The following MCC variants were observed in gnomAD, a reference collection of about 807,000 sequenced individuals.
MCC encodes colorectal mutant cancer protein.
In MCC, 90 loss-of-function variants were observed where a neutral mutation model predicts 116.2. The ratio of observed to expected loss-of-function variants is 0.77; its 90% CI spans 0.65 to 0.92. The LOEUF is 0.92. MCC is among the 40% of genes least tolerant of loss of function. MCC has a pLI of 0.00. For synonymous variants in MCC, 578 were observed against 510.5 expected (o/e 1.13, Z -1.78); for missense variants, 1,516 against 1,312.2 (o/e 1.16, Z -2.40).
intron 11 of MCC, among the ~76,000 whole-genome samples, chr5:113,073,005 T>C (rs908170024): frequency 2.0e-5 from 3 of 152,178 alleles, no homozygotes; most frequent in Non-Finnish European, 2.9e-5. Flanking sequence ...TAGACCAAGC[T>C]TGTCCAACCT....
chr5:113,081,770 C>G (rs1210356099), intron 11 of MCC, among the ~76,000 whole-genome samples: 2 of 21,642 alleles, frequency 9.2e-5, no homozygotes, highest in Non-Finnish European at 2.8e-4. Context: ...TTTAAAATGA[C>G]CTAGATTGCC....
chr5:113,198,058 A>C (rs2150317135), intron 3 of MCC, among the ~76,000 whole-genome samples: 1 of 152,396 alleles, frequency 6.6e-6, no homozygotes, highest in Non-Finnish European at 1.5e-5. Flanking sequence ...TATATAATTC[A>C]GTTAACAGGA....
chr5:113,397,915 G>A (rs1469517556), intron 1 of MCC, among the ~76,000 whole-genome samples: 1 of 152,120 alleles, frequency 6.6e-6, no homozygotes, highest in Non-Finnish European at 1.5e-5. Flanking sequence ...CTACAGAATG[G>A]GAGAAAATAT....
At chr5:113,235,162 T>C (rs1385827477) in intron 3 of MCC, among the ~76,000 whole-genome samples, 1 of 152,194 alleles carries the variant, frequency 6.6e-6, no homozygotes, top group Non-Finnish European at 1.5e-5. Flanking sequence ...TGCTCCACAA[T>C]AAAAATGGGC....
At chr5:113,324,776 C>T (rs887721518) in intron 3 of MCC, among the ~76,000 whole-genome samples, 6 of 152,034 alleles carry the variant, frequency 3.9e-5, no homozygotes, top group Non-Finnish European at 4.4e-5. Context: ...TACCTTTTTA[C>T]CTCATTAGAA....
At chr5:113,425,380 A>T (rs1770453811) in intron 1 of MCC, among the ~76,000 whole-genome samples, 1 of 151,596 alleles carries the variant, frequency 6.6e-6, no homozygotes, top group Non-Finnish European at 1.5e-5. Flanking sequence ...AGCTACTGGG[A>T]GAGGGACACC....
chr5:113,164,246 A>C (rs1455235256), intron 3 of MCC, among the ~76,000 whole-genome samples: 2 of 152,110 alleles, frequency 1.3e-5, no homozygotes, highest in Admixed American at 1.3e-4. Flanking sequence ...AAGCTCGGCA[A>C]CTCCTCAGAC....
chr5:113,161,984 C>A (rs1014013662), intron 3 of MCC, among the ~76,000 whole-genome samples: 2 of 152,170 alleles, frequency 1.3e-5, no homozygotes, highest in Non-Finnish European at 2.9e-5. Flanking sequence ...ACGGATGGGC[C>A]ATTTACCGTT....
At chr5:113,058,685 C>T (rs1580950132) in intron 14 of MCC, among the ~76,000 whole-genome samples, 1 of 152,216 alleles carries the variant, frequency 6.6e-6, no homozygotes, top group African/African-American at 2.4e-5. Context: ...TCTGCCACTT[C>T]CTTGCTTTAT....
intron 2 of MCC, among the ~76,000 whole-genome samples, chr5:113,354,266 T>C (rs1254250098): frequency 9.2e-5 from 14 of 152,132 alleles, no homozygotes; most frequent in Admixed American, 8.5e-4. Flanking sequence ...TGGCCAGATA[T>C]AGTCATATAG....
rs1262878492 is a variant in MCC at position 113,469,148 on chromosome 5, A to G, written c.170+19097T>C. On this transcript the variant is annotated intron_variant, in intron 1 of 18. Coordinates refer to ENST00000408903, the MANE Select transcript of MCC (RefSeq NM_001085377.2). The stretch of plus-strand genomic sequence containing the variant: ...CAAAAAACCAGCTCCTGGATTCATT[A>G]ATTTTTTGAAGGGTTTTTTGTGTCT... Among the ~76,000 whole-genome samples, 6 of 152,042 alleles carry G rather than the reference A, an allele frequency of 3.9e-5. No homozygotes were observed. The South Asian group carries it at 1.2e-3, about 32-fold the overall frequency.
chr5:113,105,898 T>A (rs983038352), intron 6 of MCC, among the ~76,000 whole-genome samples: 20 of 152,184 alleles, frequency 1.3e-4, no homozygotes, highest in Non-Finnish European at 8.8e-5. Context: ...CTCTGCATGA[T>A]CAAGACTGAT....
At position 113,385,081 on chromosome 5, in the gene MCC, A is replaced by G. The variant is rs1769221459; in HGVS notation, c.302T>C (p.Val101Ala). ...TACTTCCTCCTTCCTAATTTCTCGA[A>G]CAAGCTGCATGCGGCATCTTGTGAA... is the stretch of plus-strand genomic sequence containing the variant. ...QDFTRCRMQL[V>A]REIRKEEVDL... Residue 101 changes from valine (V) to alanine (A), a missense_variant, in exon 2 of 19, where the codon GTT (valine) becomes GCT (alanine). Physicochemically the swap from Val to Ala is moderately conservative, Grantham distance 64 (BLOSUM62 0). Coordinates refer to ENST00000408903, the MANE Select transcript of MCC (RefSeq NM_001085377.2). The G allele has an allele frequency of 6.2e-7, 1 of 1,614,174 alleles. No homozygotes were observed. The highest frequency in any genetic ancestry group is 8.5e-7 in the Non-Finnish European group (1 of 1,180,026).
At chr5:113,323,742 C>A (rs1328455952) in intron 3 of MCC, among the ~76,000 whole-genome samples, 1 of 152,138 alleles carries the variant, frequency 6.6e-6, no homozygotes, top group Non-Finnish European at 1.5e-5. Context: ...TCACGTGGGC[C>A]TGGAGCAGTA....
chr5:113,074,842 T>C (rs141486220), intron 11 of MCC, among the ~76,000 whole-genome samples: 1,989 of 152,032 alleles, frequency 0.013, 36 homozygotes, highest in Non-Finnish European at 0.017. Context: ...TAGAGAAAAA[T>C]GAGTAAAAAG....
chr5:113,444,042 G>C (rs374284259), intron 1 of MCC, among the ~76,000 whole-genome samples: 1 of 145,008 alleles, frequency 6.9e-6, no homozygotes, highest in Non-Finnish European at 1.5e-5. Context: ...ATGGGGTTTC[G>C]CCAAGTTGGC....
chr5:113,334,621 C>T (rs71577443), intron 3 of MCC, among the ~76,000 whole-genome samples: 12,732 of 122,290 alleles, frequency 0.1, 826 homozygotes, highest in Non-Finnish European at 0.13. Context: ...GATGCAGTCT[C>T]GCTCTGTCGC....
rs201477405 is a variant in MCC at position 113,043,541 on chromosome 5, G to T, written c.2745C>A (p.Asn915Lys). The T allele has an allele frequency of 2.5e-6, 4 of 1,614,020 alleles. No homozygotes were observed. The South Asian group carries it at 4.4e-5, about 18-fold the overall frequency. ...SENELAAEFT[N>K]AIRREKKLKA... is the part of the protein sequence containing the mutation. Reference sequence around the variant, plus strand: ...GAAAGGGTGCTTACCGACGAATGGCGTTGGTGAACTCCGCAGCCAGCTCAT... The same window carrying T: ...GAAAGGGTGCTTACCGACGAATGGCTTTGGTGAACTCCGCAGCCAGCTCAT... The change falls in exon 17 of 19, where the codon AAC (asparagine) becomes AAA (lysine). Residue 915 changes from asparagine to lysine, a missense_variant. Transcript: ENST00000408903.
chr5:113,257,938 G>A lies in MCC; in HGVS notation c.627+82581C>T, dbSNP rs569301546. On this transcript the variant is annotated intron_variant, in intron 3 of 18. Coordinates refer to ENST00000408903, the MANE Select transcript of MCC (RefSeq NM_001085377.2). ...CAGATGGATAGATGGTAGCAGTGCAGAAACTTGCAGGTCTGGTGACAAGCT... is the reference window on the plus strand; with the variant it reads ...CAGATGGATAGATGGTAGCAGTGCAAAAACTTGCAGGTCTGGTGACAAGCT... Among the ~76,000 whole-genome samples, 6 of 152,296 alleles carry A rather than the reference G, an allele frequency of 3.9e-5. No homozygotes were observed. In the South Asian group the frequency reaches 1.2e-3, roughly 32 times the overall value.
Sources: allele counts gnomAD v4.1 joint callset (sites outside exome capture counted in the v4.1 genomes callset), GRCh38; gene constraint gnomAD v4.1.1; transcripts MANE v1.5; gene names NCBI Gene and HGNC (gene_info 2026-07-23, HGNC 2026-07-21).